IPCEF1: variants seen among roughly 807,000 people sequenced by gnomAD.
IPCEF1 encodes interaction protein for cytohesin exchange factors 1, also known as interactor protein for cytohesin exchange factors 1.
Under a neutral mutation model 50.9 loss-of-function variants are expected in IPCEF1, and 31 were observed. The observed-to-expected ratio is 0.61, with a 90% CI of 0.46 to 0.82. IPCEF1 has a LOEUF of 0.82. Ranked by LOEUF, IPCEF1 falls within the 40% of genes least tolerant of loss-of-function variation. The pLI is 0.00. For synonymous variants in IPCEF1, 181 were observed against 192.0 expected, an observed-to-expected ratio of 0.94 and a Z score of 0.47; for missense variants, 458 against 514.0, an observed-to-expected ratio of 0.89 and a Z score of 1.05.
intron 1 of IPCEF1, among the ~76,000 whole-genome samples, chr6:154,338,123 A>T (rs1783828269): frequency 6.6e-6 from 1 of 152,126 alleles, no homozygotes; most frequent in South Asian, 2.1e-4. Context: ...CATCTAGGTA[A>T]AGTTTGAATT....
intron 1 of IPCEF1, among the ~76,000 whole-genome samples, chr6:154,341,167 C>G (rs1216001104): frequency 2.0e-5 from 3 of 152,036 alleles, no homozygotes; most frequent in African/African-American, 7.3e-5. Context: ...TCACAGTGAG[C>G]AAAGGAATAA....
chr6:154,235,454 C>T (rs1780042167), intron 5 of IPCEF1, among the ~76,000 whole-genome samples: 1 of 150,526 alleles, frequency 6.6e-6, no homozygotes, highest in African/African-American at 2.5e-5. Flanking sequence ...TCACTTGAAC[C>T]CGGGAGGCAG....
chr6:154,183,911 A>C (rs748466496), intron 10 of IPCEF1, among the ~76,000 whole-genome samples: 1 of 152,110 alleles, frequency 6.6e-6, no homozygotes, highest in Non-Finnish European at 1.5e-5. Flanking sequence ...AACAAAAAAA[A>C]CAAAAAACAA....
chr6:154,220,114 T>C (rs769701629), intron 7 of IPCEF1, among the ~76,000 whole-genome samples: 2 of 151,818 alleles, frequency 1.3e-5, no homozygotes, highest in African/African-American at 2.4e-5. Flanking sequence ...ATAGGGCAGA[T>C]AGGTAAGGAA....
intron 1 of IPCEF1, among the ~76,000 whole-genome samples, chr6:154,317,139 C>T (rs189093562): frequency 1.3e-3 from 198 of 152,106 alleles, no homozygotes; most frequent in African/African-American, 4.4e-3. Context: ...ATAGAATAAG[C>T]AAGCCACAAG....
chr6:154,316,948 GA>G (rs578225694), intron 1 of IPCEF1, among the ~76,000 whole-genome samples: 1 of 152,030 alleles, frequency 6.6e-6, no homozygotes, highest in East Asian at 1.9e-4. Flanking sequence ...ATAGCCATAT[GA>G]AAAAAAATTA....
At chr6:154,180,386 CTATATATATA>C (rs58975780) in intron 10 of IPCEF1, among the ~76,000 whole-genome samples, 13 of 88,320 alleles carry the variant, frequency 1.5e-4, no homozygotes, top group African/African-American at 5.8e-4. Flanking sequence ...ACAACAACAA[CTATATATATA>C]TATATATATA....
chr6:154,255,623 T>C (rs1412692722), intron 3 of IPCEF1, among the ~76,000 whole-genome samples: 2 of 152,232 alleles, frequency 1.3e-5, no homozygotes, highest in Non-Finnish European at 2.9e-5. Context: ...TTTCTGCCAT[T>C]TTCCTCATTC....
At chr6:154,317,198 T>C (rs1429145336) in intron 1 of IPCEF1, among the ~76,000 whole-genome samples, 6 of 152,086 alleles carry the variant, frequency 3.9e-5, no homozygotes, top group Non-Finnish European at 1.5e-5. Context: ...AATCTGTACC[T>C]AGAATACATA....
intron 9 of IPCEF1, among the ~76,000 whole-genome samples, chr6:154,211,145 G>A (rs936657313): frequency 2.6e-5 from 4 of 152,092 alleles, no homozygotes; most frequent in Admixed American, 6.6e-5. Flanking sequence ...GGCTGGGTGC[G>A]GTGGCTCACG....
At chr6:154,314,263 C>T (rs114862997) in intron 1 of IPCEF1, among the ~76,000 whole-genome samples, 2,333 of 152,178 alleles carry the variant, frequency 0.015, 60 homozygotes, top group African/African-American at 0.053. Flanking sequence ...AGAACAGATT[C>T]GGGGGAAATG....
chr6:154,262,884 C>T (rs912144176), intron 3 of IPCEF1, among the ~76,000 whole-genome samples: 1 of 151,332 alleles, frequency 6.6e-6, no homozygotes, highest in South Asian at 2.1e-4. Context: ...TCAAGCAATT[C>T]CCCTGCCTCA....
rs71021036 is a variant in IPCEF1 at position 154,273,724 on chromosome 6, CTTTTTTTTTTTTTTTTTTTTTTTT to C, written c.-17-7784_-17-7761del. ...TCTTTTTTTCTTTCTTTCTTTCTTT[CTTTTTTTTTTTTTTTTTTTTTTTT>C]TTTTTTTTTTTTTTTTTTTTTTTGA... On this transcript the variant is annotated intron_variant, in intron 2 of 11. Transcript: ENST00000367220. 5.4e-3 allele frequency among the ~76,000 whole-genome samples: 344 copies of C among 63,290 alleles called. 3 individuals carry two copies. The highest frequency in any genetic ancestry group is 0.011 in the Middle Eastern group (1 of 90). 41.5% of individuals were successfully genotyped at this position (63,290 alleles called of 152,430 possible).
intron 1 of IPCEF1, among the ~76,000 whole-genome samples, chr6:154,331,386 A>AGAAG (rs1783660080): frequency 7.3e-6 from 1 of 136,614 alleles, no homozygotes; most frequent in Admixed American, 7.6e-5. Context: ...AAAGAAAGAA[A>AGAAG]GAAAGAAAGA....
chr6:154,298,696 G>T (rs1425734485), intron 1 of IPCEF1, among the ~76,000 whole-genome samples: 1 of 152,198 alleles, frequency 6.6e-6, no homozygotes, highest in East Asian at 1.9e-4. Context: ...GGGCGCAGTG[G>T]CTCACACCTG....
intron 10 of IPCEF1, among the ~76,000 whole-genome samples, chr6:154,175,886 C>T (rs538405998): frequency 1.3e-4 from 20 of 152,270 alleles, no homozygotes; most frequent in African/African-American, 4.6e-4. Context: ...GAATTTTAGG[C>T]CAATATCCCT....
chr6:154,309,075 A>G (rs2128679476), intron 1 of IPCEF1, among the ~76,000 whole-genome samples: 1 of 152,296 alleles, frequency 6.6e-6, no homozygotes, highest in East Asian at 1.9e-4. Flanking sequence ...GGAGAAGGTC[A>G]ATATTTGCTA....
chr6:154,272,682 G>A (rs1405916057), intron 2 of IPCEF1, among the ~76,000 whole-genome samples: 1 of 152,140 alleles, frequency 6.6e-6, no homozygotes, highest in South Asian at 2.1e-4. Flanking sequence ...ATTCCATTTT[G>A]TTTTAATCAC....
chr6:154,169,457 C>T (rs144579123), intron 10 of IPCEF1, among the ~76,000 whole-genome samples: 402 of 152,272 alleles, frequency 2.6e-3, no homozygotes, highest in Non-Finnish European at 4.8e-3. Flanking sequence ...TCTTTAAACC[C>T]ATGCAAGTCG....
Sources: allele counts gnomAD v4.1 joint callset (sites outside exome capture counted in the v4.1 genomes callset), GRCh38; gene constraint gnomAD v4.1.1; transcripts MANE v1.5; gene names NCBI Gene and HGNC (gene_info 2026-07-23, HGNC 2026-07-21).